Variants in LLGL1 observed in about 807,000 individuals in gnomAD.
LLGL1 encodes lethal(2) giant larvae protein homolog 1.
Under a neutral mutation model 110.6 loss-of-function variants are expected in LLGL1, and 58 were observed. That is an observed-to-expected ratio of 0.52 (90% CI 0.42 to 0.65). The LOEUF (loss-of-function observed/expected upper bound fraction) is 0.65, where lower values mean the gene tolerates loss of function less well. Ranked by LOEUF, LLGL1 falls within the 30% of genes least tolerant of loss-of-function variation. The pLI is 0.00. For missense variants in LLGL1, 1,229 were observed against 1,462.1 expected (o/e 0.84, Z 2.60); for synonymous variants, 674 against 607.2 (o/e 1.11, Z -1.62).
Position 18,225,739 on chromosome 17 carries a change from GC to G in LLGL1, c.58del (p.Gln20ArgfsTer65). ...CCGACCCGCAGCGCGAGAAGCTCAA[GC>G]AGGAGCTTTTCGCCTTCAACAAGGT... ...GADPQREKLK[Q>X]ELFAFNKTVE... is the part of the protein sequence containing the mutation. On this transcript the variant is annotated frameshift_variant, in exon 1 of 23. Transcript: ENST00000316843. LOFTEE classifies it high-confidence loss of function. 1 of 1,048,352 alleles carries G rather than the reference GC, an allele frequency of 9.5e-7. No individual in the cohort carries two copies. Among genetic ancestry groups the G allele is most frequent in the South Asian group, 2.8e-5 (1 of 36,334 alleles). The allele number at this position is 1,048,352 out of a possible 1,614,324, so 64.9% of individuals were successfully genotyped here.
At position 18,237,722 on chromosome 17, in the gene LLGL1, G is replaced by A; in HGVS notation, c.1853G>A (p.Ser618Asn). ...TGGAGCCTCGTGGCTTTTGGCACCA[G>A]TCATGGCTTTGGCCTCTTCGACTAC... Reference protein sequence around the residue: ...TEWSLVAFGTSHGFGLFDYQR... With the variant: ...TEWSLVAFGTNHGFGLFDYQR... The change falls in exon 14 of 23, where the codon AGT (serine) becomes AAT (asparagine). Residue 618 changes from serine to asparagine, a missense_variant. By Grantham distance (46) the Ser-to-Asn change is conservative (BLOSUM62 1). Transcript: ENST00000316843. 6.2e-7 allele frequency: 1 copy of A among 1,612,956 alleles called. No individual in the cohort carries two copies. The highest frequency in any genetic ancestry group is 8.5e-7 in the Non-Finnish European group (1 of 1,179,932).
chr17:18,236,288 A>C (rs900183683), intron 11 of LLGL1: 29 of 327,386 alleles, frequency 8.9e-5, no homozygotes, highest in Non-Finnish European at 1.2e-4. Context: ...TGGCTGCTCC[A>C]GTGCAGGCAG....
In LLGL1 at chr17:18,232,819, C is replaced by T; in HGVS notation, c.392+17C>T. On this transcript the variant is annotated intron_variant, in intron 4 of 22. Transcript: ENST00000316843. ...TGGTGCCAGGTACTGGAGAACTTGG[C>T]TGGGGCCAGCCACCGGGCAGGGAGG... 1 of 1,613,480 alleles carries T rather than the reference C, an allele frequency of 6.2e-7. No individual in the cohort carries two copies. Among genetic ancestry groups the T allele is most frequent in the Non-Finnish European group, 8.5e-7 (1 of 1,179,924 alleles).
rs747048835 is a variant in LLGL1 at position 18,235,342 on chromosome 17, G to C, written c.1284+30G>C. Reference sequence around the variant, plus strand: ...GTGCGGCGATCAGGGGGGTCTTACAGGGTGGAGTCTTGAGGAGGGGGAGAG... The same window carrying C: ...GTGCGGCGATCAGGGGGGTCTTACACGGTGGAGTCTTGAGGAGGGGGAGAG... On this transcript the variant is annotated intron_variant, in intron 10 of 22. Transcript: ENST00000316843. 5.6e-6 allele frequency: 9 copies of C among 1,608,216 alleles called. No homozygotes were observed. In the South Asian group the frequency reaches 9.9e-5, roughly 18 times the overall value.
In LLGL1 at chr17:18,242,573, A is replaced by G. The variant is rs147236233; in HGVS notation, c.3061A>G (p.Thr1021Ala). The change falls in exon 21 of 23, where the codon ACC (threonine) becomes GCC (alanine). Residue 1021 changes from threonine (T) to alanine (A), a missense_variant. Transcript: ENST00000316843. ...MSIDSATSAD[T>A]TLDTTGDVTV... ...CATCGACTCAGCCACCAGTGCTGAC[A>G]CCACGCTGGACACGACAGGGGACGT... 5.6e-6 allele frequency: 9 copies of G among 1,613,990 alleles called. No individual in the cohort carries two copies. In the African/African-American group the frequency reaches 9.3e-5, roughly 17 times the overall value.
chr17:18,236,802 G>A (rs199865824), intron 12 of LLGL1, 33 bp from the exon 13 acceptor site: 122 of 1,612,626 alleles, frequency 7.6e-5, no homozygotes, highest in South Asian at 6.7e-4. Flanking sequence ...TCCTGACCCC[G>A]CCTGGACTCA....
intron 17 of LLGL1, chr17:18,241,123 GC>G (rs2047821089): frequency 1.7e-6 from 1 of 584,616 alleles, no homozygotes; most frequent in African/African-American, 1.9e-5. Flanking sequence ...GCCACACAAG[GC>G]TCCTGTACTG....
At position 18,240,022 on chromosome 17, in the gene LLGL1, G is replaced by A. The variant is rs2047791045; in HGVS notation, c.2207-556G>A. On this transcript the variant is annotated intron_variant, in intron 16 of 22. Transcript: ENST00000316843. The surrounding 1 kb of genome is among the most constrained non-coding windows in gnomAD (Gnocchi z 5.3). Reference sequence around the variant, plus strand: ...CAGAGGTTCAGTTCACACAGGCAGAGCAGGGTCGATGGATGGTCGTCCTAG... The same window carrying A: ...CAGAGGTTCAGTTCACACAGGCAGAACAGGGTCGATGGATGGTCGTCCTAG... Among the ~76,000 whole-genome samples, 1 of 152,168 alleles carries A rather than the reference G, an allele frequency of 6.6e-6. No homozygotes were observed. Among genetic ancestry groups the A allele is most frequent in the African/African-American group, 2.4e-5 (1 of 41,440 alleles).
rs147901797 is a variant in LLGL1 at position 18,233,224 on chromosome 17, G to T, written c.392+422G>T. On this transcript the variant is annotated intron_variant, in intron 4 of 22. Transcript: ENST00000316843. ...GACAGGCCTTTCTGTGCATAGGCAG[G>T]GTTGAGGGCAAGGAGGGTCCCATGG... Among the ~76,000 whole-genome samples the T allele has an allele frequency of 9.2e-5, 14 of 152,292 alleles. No homozygotes were observed. In the East Asian group the frequency reaches 2.7e-3, roughly 29 times the overall value.
Position 18,234,319 on chromosome 17 carries a change from G to C in LLGL1, c.761G>C (p.Ser254Thr), listed in dbSNP as rs1186139535. Residue 254 changes from serine (S) to threonine (T), a missense_variant, in exon 7 of 23, where the codon AGC becomes ACC. Transcript: ENST00000316843. ...CWGRDSSTVV[S>T]SHSDGSYAVW... ...GGGCGTGATAGCAGCACTGTGGTCAGCTCACACAGCGATGGCAGCTATGCT... is the reference window on the plus strand; with the variant it reads ...GGGCGTGATAGCAGCACTGTGGTCACCTCACACAGCGATGGCAGCTATGCT... 1 of 1,611,198 alleles carries C rather than the reference G, an allele frequency of 6.2e-7. No homozygotes were observed. The highest frequency in any genetic ancestry group is 1.3e-5 in the African/African-American group (1 of 74,908).
At position 18,242,012 on chromosome 17, in the gene LLGL1, G is replaced by T; in HGVS notation, c.2882+13G>T. ...CCACCCAGGCCAGGTGTGTGGAGGG[G>T]CAGCTCCTAGCCTGGGGGACCTGTG... On this transcript the variant is annotated intron_variant, in intron 19 of 22. Coordinates refer to ENST00000316843, the MANE Select transcript of LLGL1 (RefSeq NM_004140.4). 6.2e-7 allele frequency: 1 copy of T among 1,602,160 alleles called. No homozygotes were observed. The highest frequency in any genetic ancestry group is 8.6e-7 in the Non-Finnish European group (1 of 1,169,290).
rs918193405 is a variant in LLGL1, at chr17:18,242,489, G to A, written c.2996-19G>A. The A allele has an allele frequency of 1.2e-6, 2 of 1,613,698 alleles. No homozygotes were observed. The highest frequency in any genetic ancestry group is 2.2e-5 in the East Asian group (1 of 44,876). ...GGTGCTAAGGGTCCTGGTAGGGGCTGATGACTTGCTCCCTGTAGACACCCC... is the reference window on the plus strand; with the variant it reads ...GGTGCTAAGGGTCCTGGTAGGGGCTAATGACTTGCTCCCTGTAGACACCCC... On this transcript the variant is annotated intron_variant, in intron 20 of 22. Transcript: ENST00000316843.
intron 17 of LLGL1, 62 bp from the exon 18 acceptor site, chr17:18,241,389 G>A (rs1419772644): frequency 1.5e-5 from 23 of 1,552,152 alleles, no homozygotes; most frequent in African/African-American, 4.1e-5. Context: ...AGCCACGAGG[G>A]TGAGGGGCCC....
At position 18,241,548 on chromosome 17, in the gene LLGL1, G is replaced by A. The variant is rs56367302; in HGVS notation, c.2600G>A (p.Ser867Asn). 6.2e-7 allele frequency: 1 copy of A among 1,613,864 alleles called. No homozygotes were observed. Among genetic ancestry groups the A allele is most frequent in the Non-Finnish European group, 8.5e-7 (1 of 1,180,020 alleles). Residue 867 changes from serine to asparagine, a missense_variant, in exon 18 of 23, where the codon AGT becomes AAT. Physicochemically the swap from Ser to Asn is conservative, Grantham distance 46 (BLOSUM62 1). Transcript: ENST00000316843. ...AAGGTGGCACTGGCCACGTTTGCCA[G>A]TGTGGCCTGCGAGGACTATGCTGAG... ...VRKVALATFASVACEDYAETC... is the reference protein window; with the variant it reads ...VRKVALATFANVACEDYAETC...
rs1434776361 is a variant in LLGL1, at chr17:18,234,763, G to A, written c.905+60G>A. 1.9e-6 allele frequency: 3 copies of A among 1,613,308 alleles called. No individual in the cohort carries two copies. In the African/African-American group the frequency reaches 4.0e-5, roughly 22 times the overall value. On this transcript the variant is annotated intron_variant, in intron 8 of 22. Coordinates refer to ENST00000316843, the MANE Select transcript of LLGL1 (RefSeq NM_004140.4). ...GGTCTGGCTAGGGGGCTGGAAGGGT[G>A]GGCTCTCCCTAGGTTGTGCAGTATG...
chr17:18,231,036 C>T (rs1246637950), intron 2 of LLGL1, among the ~76,000 whole-genome samples: 2 of 152,322 alleles, frequency 1.3e-5, no homozygotes, highest in East Asian at 1.9e-4. Context: ...TGCTGCGCTG[C>T]GTGCGCACAT....
At chr17:18,236,319 C>G (rs1474553906) in intron 11 of LLGL1, 1 of 427,774 alleles carries the variant, frequency 2.3e-6, no homozygotes, top group East Asian at 4.6e-5. Flanking sequence ...GTCCTCTGTT[C>G]TCTACATGTC....
At chr17:18,243,349 C>T (rs1208328791) in intron 22 of LLGL1, among the ~76,000 whole-genome samples, 1 of 152,164 alleles carries the variant, frequency 6.6e-6, no homozygotes, top group Non-Finnish European at 1.5e-5. Context: ...CCTCATGATC[C>T]ACCCGCCTCG....
At chr17:18,232,936 C>A in intron 4 of LLGL1, 134 bp downstream of exon 4, 1 of 1,167,494 alleles carries the variant, frequency 8.6e-7, no homozygotes, top group Non-Finnish European at 1.2e-6. Flanking sequence ...GGCCTGGGTC[C>A]CAGGCTGCAG....
Sources: gnomAD v4.1 joint callset for allele counts (sites outside exome capture counted in the v4.1 genomes callset) on GRCh38, gnomAD v4.1.1 for gene constraint, Gnocchi (gnomAD v3.1) non-coding constraint, MANE v1.5 for transcripts, NCBI Gene and HGNC (gene_info 2026-07-23, HGNC 2026-07-21) for gene names.